Variants in MCF2L observed in about 807,000 individuals in gnomAD.
The protein encoded by MCF2L is MCF.2 cell line derived transforming sequence like.
Under a neutral mutation model 153.4 loss-of-function variants are expected in MCF2L, and 97 were observed. The observed-to-expected ratio is 0.63, with a 90% confidence interval of 0.54 to 0.75. MCF2L has a LOEUF of 0.75. Among genes scored for constraint, MCF2L ranks in the 30% least tolerant of loss-of-function variants. The pLI is 0.00. For missense variants in MCF2L, 1,347 were observed against 1,495.2 expected (o/e 0.90, Z 1.64); for synonymous variants, 659 against 632.2 (o/e 1.04, Z -0.64).
intron 20 of MCF2L, 135 bp downstream of exon 20, chr13:113,085,313 C>T: frequency 1.4e-6 from 1 of 714,154 alleles, no homozygotes; most frequent in Non-Finnish European, 2.4e-6. Flanking sequence ...TGTGCTGAGG[C>T]TGGGATGCCT....
chr13:113,030,221 G>A (rs1296437633), intron 3 of MCF2L, among the ~76,000 whole-genome samples: 4 of 152,082 alleles, frequency 2.6e-5, no homozygotes, highest in African/African-American at 9.7e-5. Flanking sequence ...CCGACGCCCG[G>A]TGTGGACTCT....
intron 5 of MCF2L, among the ~76,000 whole-genome samples, chr13:113,062,840 G>T (rs2031735229): frequency 6.6e-6 from 1 of 152,180 alleles, no homozygotes; most frequent in Admixed American, 6.5e-5. Context: ...TGAAGACAAG[G>T]CGTGTGTAGA....
chr13:112,900,969 G>C (rs905749005), intron 1 of MCF2L, among the ~76,000 whole-genome samples: 1 of 152,100 alleles, frequency 6.6e-6, no homozygotes, highest in Non-Finnish European at 1.5e-5. Flanking sequence ...GTCCCAGCAG[G>C]GGCCTCTGAG....
At chr13:112,968,876 C>A (rs976014111), upstream of MCF2L, 1 of 851,194 alleles carries the variant, frequency 1.2e-6, no homozygotes, top group Non-Finnish European at 1.7e-6. Flanking sequence ...TCCCAGGGGA[C>A]CTCGGCGGTG....
chr13:113,044,172 T>A (rs1317095654), intron 3 of MCF2L: 3 of 212,156 alleles, frequency 1.4e-5, no homozygotes, highest in Admixed American at 1.0e-4. Flanking sequence ...TGTTTATTCG[T>A]GTACTCACCC....
At chr13:112,902,173 G>A (rs1435142764) in intron 1 of MCF2L, 6 of 1,598,870 alleles carry the variant, frequency 3.8e-6, no homozygotes, top group South Asian at 2.2e-5. Flanking sequence ...TGACCTCATC[G>A]TGCTTTTAAA....
chr13:113,058,196 T>C (rs1376698108), intron 4 of MCF2L, among the ~76,000 whole-genome samples: 2 of 124,668 alleles, frequency 1.6e-5, no homozygotes, highest in African/African-American at 3.1e-5. Context: ...TATGTGGGCA[T>C]TGAGTTTTTG....
At chr13:112,989,924 G>A (rs369849900) in intron 1 of MCF2L, among the ~76,000 whole-genome samples, 24 of 152,340 alleles carry the variant, frequency 1.6e-4, no homozygotes, top group East Asian at 9.6e-4. Context: ...CAGATCATCA[G>A]GCATTAGATT....
intron 1 of MCF2L, among the ~76,000 whole-genome samples, chr13:112,895,190 T>A (rs2081054775): frequency 6.6e-6 from 1 of 152,026 alleles, no homozygotes; most frequent in Non-Finnish European, 1.5e-5. Context: ...TATAGGATGC[T>A]GCGGGAGGGC....
At chr13:112,999,698 G>T (rs1369000096) in intron 1 of MCF2L, among the ~76,000 whole-genome samples, 1 of 152,202 alleles carries the variant, frequency 6.6e-6, no homozygotes, top group Non-Finnish European at 1.5e-5. Flanking sequence ...TGAGGCCTCT[G>T]GGCGTGCTTT....
intron 3 of MCF2L, chr13:113,044,288 C>T (rs1425686573): frequency 6.5e-6 from 2 of 309,236 alleles, no homozygotes; most frequent in South Asian, 3.1e-5. Flanking sequence ...CACACATGAA[C>T]GTTCGGGGGT....
chr13:113,084,169 C>T, intron 18 of MCF2L, 102 bp downstream of exon 18: 2 of 980,648 alleles, frequency 2.0e-6, no homozygotes, highest in African/African-American at 1.6e-5. Flanking sequence ...ACTGAAATCA[C>T]AAAATACGAT....
chr13:113,030,082 T>C (rs548597649), intron 3 of MCF2L, among the ~76,000 whole-genome samples: 16 of 152,332 alleles, frequency 1.1e-4, no homozygotes, highest in Admixed American at 9.8e-4. Context: ...TTTTGGAATA[T>C]TAGACTGAAA....
At chr13:113,081,110 T>G in intron 15 of MCF2L, 103 bp from the exon 16 acceptor site, 1 of 984,656 alleles carries the variant, frequency 1.0e-6, no homozygotes, top group East Asian at 2.9e-5. Flanking sequence ...CCCCTCCTGC[T>G]GGGCAGGCCA....
At chr13:112,995,951 A>G (rs2083112708) in intron 1 of MCF2L, among the ~76,000 whole-genome samples, 1 of 152,008 alleles carries the variant, frequency 6.6e-6, no homozygotes, top group African/African-American at 2.4e-5. Flanking sequence ...CATTCATCCC[A>G]AGCACAGTAC....
intron 2 of MCF2L, among the ~76,000 whole-genome samples, chr13:112,914,498 T>C (rs1369608096): frequency 1.3e-5 from 2 of 152,210 alleles, no homozygotes; most frequent in African/African-American, 4.8e-5. Context: ...GATCTCACAT[T>C]CCCAGAGGCT....
At chr13:113,025,087 T>C (rs1378166813) in intron 3 of MCF2L, among the ~76,000 whole-genome samples, 4 of 94,508 alleles carry the variant, frequency 4.2e-5, no homozygotes, top group East Asian at 8.9e-4. Flanking sequence ...CTGTGAGATT[T>C]CACCAGGGTG....
At chr13:113,075,943 T>C in intron 11 of MCF2L, 23 bp from the exon 12 acceptor site, 1 of 1,579,304 alleles carries the variant, frequency 6.3e-7, no homozygotes, top group Non-Finnish European at 8.6e-7. Flanking sequence ...CGTCCTGCCC[T>C]CGGCAATGCT....
chr13:112,969,216 G>T lies in MCF2L; in HGVS notation c.-164G>T. On this transcript the variant is annotated 5_prime_UTR_variant, in exon 1 of 30. Transcript: ENST00000535094. The surrounding 1 kb of genome is among the most constrained non-coding windows in gnomAD (Gnocchi z 4.8). Reference sequence around the variant, plus strand: ...GCGCGCGCCCCCCTCCCGGTGGCGCGGAACCAATCCTGGGCAGGGAGGCGG... The same window carrying T: ...GCGCGCGCCCCCCTCCCGGTGGCGCTGAACCAATCCTGGGCAGGGAGGCGG... The T allele has an allele frequency of 8.5e-7, 1 of 1,170,576 alleles. No individual in the cohort carries two copies. The highest frequency in any genetic ancestry group is 1.6e-5 in the African/African-American group (1 of 61,906). The allele number at this position is 1,170,576 out of a possible 1,614,324, so 72.5% of individuals were successfully genotyped here.
Sources: allele counts gnomAD v4.1 joint callset (sites outside exome capture counted in the v4.1 genomes callset), GRCh38; gene constraint gnomAD v4.1.1; non-coding constraint Gnocchi (gnomAD v3.1); transcripts MANE v1.5; gene names NCBI Gene and HGNC (gene_info 2026-07-23, HGNC 2026-07-21).